The following PFN2 variants were observed in gnomAD, a reference collection of about 807,000 sequenced individuals.
The protein encoded by PFN2 is profilin-2.
PFN2 carries 8 observed loss-of-function variants against 15.3 expected under a neutral mutation model. The ratio of observed to expected loss-of-function variants is 0.52; its 90% confidence interval spans 0.31 to 0.95. The LOEUF is 0.95. PFN2 is among the 40% of genes least tolerant of loss of function. PFN2 has a pLI of 0.05. For missense variants in PFN2, 111 were observed against 182.3 expected, an observed-to-expected ratio of 0.61 and a Z score of 2.25; for synonymous variants, 79 against 67.9, an observed-to-expected ratio of 1.16 and a Z score of -0.81.
Position 149,965,969 on chromosome 3 carries a change from T to TTG in PFN2, c.*518_*519dup. 1 of 1,377,306 alleles carries TTG rather than the reference T, an allele frequency of 7.3e-7. No individual in the cohort carries two copies. The highest frequency in any genetic ancestry group is 9.3e-7 in the Non-Finnish European group (1 of 1,069,774). The allele number at this position is 1,377,306 out of a possible 1,614,324, so 85.3% of individuals were successfully genotyped here. A position where few individuals can be genotyped will look rare whatever the true frequency, so the allele number is the denominator to read the frequency against. On this transcript the variant is annotated 3_prime_UTR_variant, in exon 3 of 3. Transcript: ENST00000239940. ...TTTCAAGGTATCATGCAAATCATTA[T>TTG]TGTGCTGCAATTATGTTGCCAGATA...
intron 1 of PFN2, among the ~76,000 whole-genome samples, chr3:149,969,484 T>C (rs567927620): frequency 1.3e-5 from 2 of 152,280 alleles, no homozygotes; most frequent in Admixed American, 1.3e-4. Context: ...AGGAAAAAAG[T>C]TGATGACCAG....
intron 1 of PFN2, among the ~76,000 whole-genome samples, chr3:149,969,735 C>A (rs1176886475): frequency 6.6e-6 from 1 of 152,148 alleles, no homozygotes; most frequent in Non-Finnish European, 1.5e-5. Context: ...CAGCCTTGGG[C>A]AGAAACAGGC....
In PFN2 at chr3:149,966,261, A is replaced by G; in HGVS notation, c.*228T>C. 5 of 1,613,106 alleles carry G rather than the reference A, an allele frequency of 3.1e-6. No homozygotes were observed. Among genetic ancestry groups the G allele is most frequent in the African/African-American group, 1.3e-5 (1 of 74,946 alleles). On this transcript the variant is annotated 3_prime_UTR_variant, in exon 3 of 3. Transcript: ENST00000239940. ...ACCTTCCTTTCCCATGACTATAACC[A>G]ATGCTGGAGTACACAAGGAAACAAA...
At chr3:149,968,137 C>T (rs1342319436) in intron 2 of PFN2, 2 of 450,362 alleles carry the variant, frequency 4.4e-6, no homozygotes, top group Non-Finnish European at 7.8e-6. Flanking sequence ...TGAGTTCATA[C>T]GAATATTCTA....
chr3:149,966,151 G>A lies in PFN2; in HGVS notation c.*338C>T, dbSNP rs1486751690. On this transcript the variant is annotated 3_prime_UTR_variant, in exon 3 of 3. Transcript: ENST00000239940. The stretch of plus-strand genomic sequence containing the variant: ...TGTTGATGAAGACAGTTGCTAGGTA[G>A]ATGGGGAGAGGCTGCTTACACATCA... The A allele has an allele frequency of 6.2e-7, 1 of 1,610,856 alleles. No homozygotes were observed. The highest frequency in any genetic ancestry group is 8.5e-7 in the Non-Finnish European group (1 of 1,178,518).
In PFN2 at chr3:149,970,049, TA is replaced by T. The variant is rs79065931; in HGVS notation, c.132+675del. On this transcript the variant is annotated intron_variant, in intron 1 of 2. Transcript: ENST00000239940. Reference sequence around the variant, plus strand: ...TGGCAGTTCGCCATCTTGGAGAATTTAAAAAAAAAAAAAAAACAACCTATAG... The same window carrying T: ...TGGCAGTTCGCCATCTTGGAGAATTTAAAAAAAAAAAAAAACAACCTATAG... 7.9e-3 allele frequency among the ~76,000 whole-genome samples: 1,067 copies of T among 135,904 alleles called. 8 individuals carry two copies. Among genetic ancestry groups the T allele is most frequent in the African/African-American group, 0.017 (636 of 37,248 alleles). 89.2% of individuals were successfully genotyped at this position (135,904 alleles called of 152,430 possible).
chr3:149,967,477 G>C (rs1722727000), intron 2 of PFN2, among the ~76,000 whole-genome samples: 1 of 152,154 alleles, frequency 6.6e-6, no homozygotes, highest in African/African-American at 2.4e-5. Context: ...ACAGGGAGCT[G>C]GTAGAGCCAT....
At position 149,965,961 on chromosome 3, in the gene PFN2, AATC is replaced by A. The variant is rs1722679205; in HGVS notation, c.*525_*527del. ...CCCCCCAATTTCAAGGTATCATGCA[AATC>A]ATTATTGTGCTGCAATTATGTTGCC... On this transcript the variant is annotated 3_prime_UTR_variant, in exon 3 of 3. Transcript: ENST00000239940. 7.3e-7 allele frequency: 1 copy of A among 1,363,970 alleles called. No homozygotes were observed. The highest frequency in any genetic ancestry group is 9.4e-7 in the Non-Finnish European group (1 of 1,062,872). The allele number at this position is 1,363,970 out of a possible 1,614,324, so 84.5% of individuals were successfully genotyped here. A position where few individuals can be genotyped will look rare whatever the true frequency, so the allele number is the denominator to read the frequency against.
At position 149,966,408 on chromosome 3, in the gene PFN2, T is replaced by G. The variant is rs1405666252; in HGVS notation, c.*81A>C. 3.8e-6 allele frequency: 6 copies of G among 1,593,536 alleles called. No individual in the cohort carries two copies. The East Asian group carries it at 1.1e-4, about 30-fold the overall frequency. On this transcript the variant is annotated 3_prime_UTR_variant, in exon 3 of 3. Coordinates refer to ENST00000239940, the MANE Select transcript of PFN2 (RefSeq NM_053024.4). ...CCATCACCCTGCATTGCTAATAAAA[T>G]TTCCAGAATTAAGACTTAAGCTTAT...
chr3:149,968,270 GACTA>G (rs1722746356), intron 2 of PFN2, 84 bp downstream of exon 2: 1 of 1,231,334 alleles, frequency 8.1e-7, no homozygotes, highest in Non-Finnish European at 1.2e-6. Flanking sequence ...AGCCATTATG[GACTA>G]ACTTTTATTC....
At chr3:149,967,311 A>G (rs531835271) in intron 2 of PFN2, among the ~76,000 whole-genome samples, 162 of 152,346 alleles carry the variant, frequency 1.1e-3, no homozygotes, top group Admixed American at 2.0e-3. Flanking sequence ...CGTATAAAAT[A>G]TTCTGGTTTT....
Position 149,970,481 on chromosome 3 carries a change from G to A in PFN2, c.132+244C>T, listed in dbSNP as rs543003750. 2.6e-5 allele frequency: 8 copies of A among 305,348 alleles called. No homozygotes were observed. The East Asian group carries it at 4.4e-4, about 17-fold the overall frequency. 18.9% of individuals were successfully genotyped at this position (305,348 alleles called of 1,614,324 possible). On this transcript the variant is annotated intron_variant, in intron 1 of 2. Transcript: ENST00000239940. The stretch of plus-strand genomic sequence containing the variant: ...TGGACCGACGCTGGGAACGCCGGGG[G>A]CGCCCGGCCAGGGCCAGCAAGGAGT...
At chr3:149,967,953 A>G (rs1488708728) in intron 2 of PFN2, among the ~76,000 whole-genome samples, 1 of 152,204 alleles carries the variant, frequency 6.6e-6, no homozygotes, top group African/African-American at 2.4e-5. Flanking sequence ...GAGTAGTGAA[A>G]TGGTTAGAAT....
In PFN2 at chr3:149,966,311, G is replaced by T. The variant is rs776480347; in HGVS notation, c.*178C>A. 8.1e-6 allele frequency: 13 copies of T among 1,605,094 alleles called. No homozygotes were observed. Among genetic ancestry groups the T allele is most frequent in the East Asian group, 4.5e-5 (2 of 44,836 alleles). ...AACAAAAGTGAACAGAATTATTTTG[G>T]GGGGGGAGGGCAGAAAGAAAGACAC... On this transcript the variant is annotated 3_prime_UTR_variant, in exon 3 of 3. Transcript: ENST00000239940.
chr3:149,965,720 G>GT lies in PFN2; in HGVS notation c.*768_*769insA. ...CTATGTGCGAAGGGAGGGGGGGCGG[G>GT]AAAAAGAGAAGAGTGAAGGAATGAT... is the stretch of plus-strand genomic sequence containing the variant. On this transcript the variant is annotated 3_prime_UTR_variant, in exon 3 of 3. Coordinates refer to ENST00000239940, the MANE Select transcript of PFN2 (RefSeq NM_053024.4). 7.9e-6 allele frequency: 5 copies of GT among 632,092 alleles called. No homozygotes were observed. Among genetic ancestry groups the GT allele is most frequent in the Non-Finnish European group, 9.8e-6 (5 of 510,666 alleles). The allele number at this position is 632,092 out of a possible 1,614,324, so 39.2% of individuals were successfully genotyped here. A position where few individuals can be genotyped will look rare whatever the true frequency, so the allele number is the denominator to read the frequency against.
At position 149,965,713 on chromosome 3, in the gene PFN2, G is replaced by GC. The variant is rs1722666726; in HGVS notation, c.*775_*776insG. 2.0e-6 allele frequency: 2 copies of GC among 1,015,878 alleles called. No homozygotes were observed. The highest frequency in any genetic ancestry group is 1.7e-5 in the African/African-American group (1 of 57,210). 62.9% of individuals were successfully genotyped at this position (1,015,878 alleles called of 1,614,324 possible). A position where few individuals can be genotyped will look rare whatever the true frequency, so the allele number is the denominator to read the frequency against. The stretch of plus-strand genomic sequence containing the variant: ...CAAATGCCTATGTGCGAAGGGAGGG[G>GC]GGGCGGGAAAAAGAGAAGAGTGAAG... On this transcript the variant is annotated 3_prime_UTR_variant, in exon 3 of 3. Transcript: ENST00000239940.
In PFN2 at chr3:149,966,444, G is replaced by A. The variant is rs1028913862; in HGVS notation, c.*45C>T. 3.1e-6 allele frequency: 5 copies of A among 1,605,820 alleles called. No individual in the cohort carries two copies. Among genetic ancestry groups the A allele is most frequent in the Non-Finnish European group, 4.2e-6 (5 of 1,177,696 alleles). On this transcript the variant is annotated 3_prime_UTR_variant, in exon 3 of 3. Transcript: ENST00000239940. Reference sequence around the variant, plus strand: ...AAGACTTAAGCTTATAGCTAGGAAAGTTTAAGAGCAATTTTCCCCTAATAC... The same window carrying A: ...AAGACTTAAGCTTATAGCTAGGAAAATTTAAGAGCAATTTTCCCCTAATAC...
At chr3:149,969,826 A>G (rs928722962) in intron 1 of PFN2, among the ~76,000 whole-genome samples, 2 of 152,164 alleles carry the variant, frequency 1.3e-5, no homozygotes, top group Non-Finnish European at 2.9e-5. Flanking sequence ...TCTCAAGAAA[A>G]TCAGGCAATG....
In PFN2 at chr3:149,966,330, A is replaced by C. The variant is rs76689050; in HGVS notation, c.*159T>G. The C allele has an allele frequency of 9.9e-3, 15,789 of 1,601,226 alleles. 129 individuals carry two copies. The highest frequency in any genetic ancestry group is 0.02 in the Middle Eastern group (120 of 5,976). On this transcript the variant is annotated 3_prime_UTR_variant, in exon 3 of 3. Transcript: ENST00000239940. ...ATTTTGGGGGGGGAGGGCAGAAAGA[A>C]AGACACCTTTCCCCACCAACAGAGG...
Sources: allele counts gnomAD v4.1 joint callset (sites outside exome capture counted in the v4.1 genomes callset), GRCh38; gene constraint gnomAD v4.1.1; transcripts MANE v1.5; gene names NCBI Gene and HGNC (gene_info 2026-07-23, HGNC 2026-07-21).